Variants in KDM3A observed in about 807,000 individuals in gnomAD.
KDM3A encodes the protein lysine demethylase 3A.
In KDM3A, 60 loss-of-function variants were observed where a neutral mutation model predicts 158.0. The ratio of observed to expected loss-of-function variants is 0.38; its 90% CI spans 0.31 to 0.47. The LOEUF is 0.47. KDM3A is among the 20% of genes least tolerant of loss of function. The probability of loss-of-function intolerance (pLI) is 0.99; values close to 1 mark genes in which losing one functional copy is unlikely to be tolerated. For synonymous variants in KDM3A, 608 were observed against 549.3 expected (o/e 1.11, Z -1.49); for missense variants, 1,319 against 1,574.3 (o/e 0.84, Z 2.74).
chr2:86,469,210 T>G (rs1673291377), intron 10 of KDM3A, among the ~76,000 whole-genome samples: 1 of 152,192 alleles, frequency 6.6e-6, no homozygotes, highest in Non-Finnish European at 1.5e-5. Flanking sequence ...AGGTAATTAT[T>G]GAAGATGTTT....
intron 14 of KDM3A, 128 bp downstream of exon 14, chr2:86,478,393 A>G (rs1184899667): frequency 1.2e-6 from 1 of 831,230 alleles, no homozygotes; most frequent in Non-Finnish European, 1.9e-6. Flanking sequence ...CCAGAAATAT[A>G]TTAGATAATT....
chr2:86,457,174 G>A (rs1672742323), intron 8 of KDM3A, 103 bp downstream of exon 8: 12 of 395,188 alleles, frequency 3.0e-5, no homozygotes, highest in South Asian at 2.4e-4. Context: ...TATTTTTTTA[G>A]AGATAGGATC....
rs1265173442 is a variant in KDM3A at position 86,470,204 on chromosome 2, C to T, written c.1520C>T (p.Ala507Val). The stretch of plus-strand genomic sequence containing the variant: ...TCTCCTTAATCTTTTGTTTTCCTAG[C>T]CCCATCCAGGAAGTCGGTTTTGACA... ...CSRSNNKIQN[A>V]PSRKSVLTDP... Residue 507 changes from alanine to valine, a missense_variant and splice_region_variant, in exon 11 of 26, where the codon GCC becomes GTC. Physicochemically the swap from Ala to Val is moderately conservative, Grantham distance 64 (BLOSUM62 0). Around this residue, in one of 4 missense-constraint regions of KDM3A, gnomAD observed 652 missense variants for 627.2 expected, o/e 1.04. Transcript: ENST00000312912. 1.9e-6 allele frequency: 3 copies of T among 1,613,510 alleles called. No homozygotes were observed. The highest frequency in any genetic ancestry group is 2.5e-6 in the Non-Finnish European group (3 of 1,179,740).
In KDM3A at chr2:86,455,030, ATAAC is replaced by A. The variant is rs1439031393; in HGVS notation, c.454-53_454-50del. 4 of 1,057,210 alleles carry A rather than the reference ATAAC, an allele frequency of 3.8e-6. No individual in the cohort carries two copies. In the African/African-American group the frequency reaches 6.5e-5, roughly 17 times the overall value. 65.5% of individuals were successfully genotyped at this position (1,057,210 alleles called of 1,614,324 possible). A position where few individuals can be genotyped will look rare whatever the true frequency, so the allele number is the denominator to read the frequency against. On this transcript the variant is annotated intron_variant, in intron 4 of 25. Coordinates refer to ENST00000312912, the MANE Select transcript of KDM3A (RefSeq NM_018433.6). ...ATTGAAATAGCCCACTGGAATTTAA[ATAAC>A]TCTTCTTATTAACTGTTACCCTTAA...
intron 2 of KDM3A, chr2:86,443,633 C>T (rs1682836463): frequency 6.6e-6 from 1 of 152,148 alleles, no homozygotes; most frequent in African/African-American, 2.4e-5. Context: ...TTGACATAGC[C>T]TGTATTCTGT....
At chr2:86,457,654 G>A (rs1445573065) in intron 8 of KDM3A, among the ~76,000 whole-genome samples, 2 of 152,206 alleles carry the variant, frequency 1.3e-5, no homozygotes, top group African/African-American at 4.8e-5. Context: ...AAATTGAGTT[G>A]TGTGTGTCAA....
At position 86,485,030 on chromosome 2, in the gene KDM3A, G is replaced by A; in HGVS notation, c.3182+1G>A. ...ATTTTAGAGATATGATGCCTTCCAGGTATGATTATGAAGGTGGGGAGAGAT... is the reference window on the plus strand; with the variant it reads ...ATTTTAGAGATATGATGCCTTCCAGATATGATTATGAAGGTGGGGAGAGAT... On this transcript the variant is annotated splice_donor_variant, in intron 20 of 25. Transcript: ENST00000312912. LOFTEE classifies it high-confidence loss of function. 6.6e-7 allele frequency: 1 copy of A among 1,526,490 alleles called. No homozygotes were observed. Among genetic ancestry groups the A allele is most frequent in the Non-Finnish European group, 9.1e-7 (1 of 1,100,450 alleles). 94.6% of individuals were successfully genotyped at this position (1,526,490 alleles called of 1,614,324 possible).
At chr2:86,473,993 A>G (rs959868609) in intron 11 of KDM3A, among the ~76,000 whole-genome samples, 1 of 152,194 alleles carries the variant, frequency 6.6e-6, no homozygotes, top group African/African-American at 2.4e-5. Context: ...TCATTGCTTC[A>G]GTGACTATCT....
intron 14 of KDM3A, 138 bp downstream of exon 14, chr2:86,478,403 T>A (rs1242123356): frequency 2.4e-6 from 2 of 832,288 alleles, no homozygotes; most frequent in African/African-American, 3.5e-5. Flanking sequence ...ATTAGATAAT[T>A]CCTCCAACAC....
At chr2:86,480,413 T>C in intron 16 of KDM3A, 51 bp downstream of exon 16, 1 of 1,480,068 alleles carries the variant, frequency 6.8e-7, no homozygotes, top group South Asian at 1.2e-5. Context: ...AGTCCATTCG[T>C]GGAAGGACTT....
chr2:86,439,606 TC>T (rs1682574505), upstream of KDM3A, among the ~76,000 whole-genome samples: 1 of 152,096 alleles, frequency 6.6e-6, no homozygotes, highest in Non-Finnish European at 1.5e-5. Context: ...AATTACATAA[TC>T]TAAGTTCTCC....
chr2:86,489,459 G>A lies in KDM3A; in HGVS notation c.3433+22G>A, dbSNP rs367724104. ...GAAGGTAGGGTGCTGAGCATAAAAG[G>A]AGGGCTTACTCTTTGAGCCAGGGCT... is the stretch of plus-strand genomic sequence containing the variant. On this transcript the variant is annotated intron_variant, in intron 22 of 25. Transcript: ENST00000312912. 1.4e-5 allele frequency: 23 copies of A among 1,612,966 alleles called. No homozygotes were observed. The African/African-American group carries it at 1.6e-4, about 11-fold the overall frequency.
At chr2:86,455,018 A>G in intron 4 of KDM3A, 67 bp from the exon 5 acceptor site, 1 of 877,346 alleles carries the variant, frequency 1.1e-6, no homozygotes, top group African/African-American at 1.7e-5. Context: ...GAAATAGCCC[A>G]CTGGAATTTA....
chr2:86,441,972 C>T (rs964603108), intron 1 of KDM3A, 46 bp from the exon 2 acceptor site: 152 of 1,537,186 alleles, frequency 9.9e-5, no homozygotes, highest in Non-Finnish European at 8.9e-5. Flanking sequence ...GCCCGGCCCC[C>T]TCCCACCGGC....
rs1380592598 is a variant in KDM3A at position 86,470,304 on chromosome 2, G to A, written c.1620G>A (p.Val540=). 1.2e-6 allele frequency: 2 copies of A among 1,614,068 alleles called. No homozygotes were observed. Among genetic ancestry groups the A allele is most frequent in the Non-Finnish European group, 1.7e-6 (2 of 1,179,986 alleles). ...FVQDDSCVNI[V]AQLPKCRECR... Reference sequence around the variant, plus strand: ...AGGATGATTCTTGTGTGAACATCGTGGCACAGTTGCCTAAATGCCGAGAGT... The same window carrying A: ...AGGATGATTCTTGTGTGAACATCGTAGCACAGTTGCCTAAATGCCGAGAGT... Residue 540 remains valine (V), a synonymous_variant, in exon 11 of 26, where the codon GTG becomes GTA. Transcript: ENST00000312912.
At position 86,441,665 on chromosome 2, in the gene KDM3A, G is replaced by T. The variant is rs1429622279; in HGVS notation, c.-31+221G>T. Among the ~76,000 whole-genome samples the T allele has an allele frequency of 2.0e-5, 3 of 150,842 alleles. No homozygotes were observed. In the East Asian group the frequency reaches 5.8e-4, roughly 29 times the overall value. Reference sequence around the variant, plus strand: ...GGCCGCCCGGGGCGGGGACCCAGCCGCCCGGGACCGGCTCTCTGCACCAGG... The same window carrying T: ...GGCCGCCCGGGGCGGGGACCCAGCCTCCCGGGACCGGCTCTCTGCACCAGG... On this transcript the variant is annotated intron_variant, in intron 1 of 25. Coordinates refer to ENST00000312912, the MANE Select transcript of KDM3A (RefSeq NM_018433.6).
intron 8 of KDM3A, chr2:86,460,904 A>C (rs1225828198): frequency 1.3e-5 from 2 of 152,132 alleles, no homozygotes; most frequent in East Asian, 3.8e-4. Flanking sequence ...TGGGTTTGGG[A>C]ATTGGAGTCC....
intron 2 of KDM3A, among the ~76,000 whole-genome samples, chr2:86,444,444 A>G (rs776331439): frequency 7.9e-5 from 12 of 151,982 alleles, no homozygotes; most frequent in Admixed American, 2.6e-4. Context: ...TGAGTAGCAG[A>G]TGTTAAGTTT....
chr2:86,472,893 A>G lies in KDM3A; in HGVS notation c.1725-1883A>G, dbSNP rs563560974. Among the ~76,000 whole-genome samples, 12 of 152,258 alleles carry G rather than the reference A, an allele frequency of 7.9e-5. No homozygotes were observed. The South Asian group carries it at 1.9e-3, about 24-fold the overall frequency. On this transcript the variant is annotated intron_variant, in intron 11 of 25. Coordinates refer to ENST00000312912, the MANE Select transcript of KDM3A (RefSeq NM_018433.6). The stretch of plus-strand genomic sequence containing the variant: ...TCACCTCTAGTTTTCTTGCTTTTAT[A>G]TGAAGTACTGTCTCTTGGACATACC...
Sources: gnomAD v4.1 joint callset for allele counts (sites outside exome capture counted in the v4.1 genomes callset) on GRCh38, gnomAD v4.1.1 for gene constraint, gnomAD v4.1.1 regional missense constraint, MANE v1.5 for transcripts, NCBI Gene and HGNC (gene_info 2026-07-23, HGNC 2026-07-21) for gene names.